Variants in MNAT1 observed in about 807,000 individuals in gnomAD.
MNAT1 encodes CDK-activating kinase assembly factor MAT1.
Under a neutral mutation model 42.0 loss-of-function variants are expected in MNAT1, and 43 were observed. That is an observed-to-expected ratio of 1.02 (90% CI 0.80 to 1.32). The LOEUF (loss-of-function observed/expected upper bound fraction) is 1.32. Among genes scored for constraint, MNAT1 ranks in the 40% most tolerant of loss-of-function variants. The pLI is 0.00. For synonymous variants in MNAT1, 118 were observed against 120.0 expected, an observed-to-expected ratio of 0.98 and a Z score of 0.11; for missense variants, 306 against 350.4, an observed-to-expected ratio of 0.87 and a Z score of 1.01.
intron 1 of MNAT1, among the ~76,000 whole-genome samples, chr14:60,776,007 C>G (rs1224542156): frequency 6.6e-6 from 1 of 152,158 alleles, no homozygotes; most frequent in African/African-American, 2.4e-5. Context: ...AGATGTTTTT[C>G]TTCAGCAAAA....
intron 1 of MNAT1, among the ~76,000 whole-genome samples, chr14:60,784,201 T>TTTTTTTTTTTTTTTC (rs1435948099): frequency 4.9e-5 from 7 of 143,962 alleles, no homozygotes; most frequent in African/African-American, 1.8e-4. Context: ...TTTTTTTTTT[T>TTTTTTTTTTTTTTTC]TTAGTAGAGG....
intron 6 of MNAT1, among the ~76,000 whole-genome samples, chr14:60,836,021 C>G (rs112288318): frequency 6.6e-6 from 1 of 152,084 alleles, no homozygotes; most frequent in African/African-American, 2.4e-5. Context: ...TCCCCTTGAT[C>G]GATTTGGTTA....
At chr14:60,780,003 A>G in intron 1 of MNAT1, 2 of 1,566,568 alleles carry the variant, frequency 1.3e-6, no homozygotes, top group Non-Finnish European at 1.8e-6. Context: ...TCCCGGGAGC[A>G]GGGAATCACC....
At chr14:60,770,904 G>A (rs957606175) in intron 1 of MNAT1, among the ~76,000 whole-genome samples, 1 of 152,066 alleles carries the variant, frequency 6.6e-6, no homozygotes, top group Non-Finnish European at 1.5e-5. Context: ...GTATTCCATT[G>A]TAGGACTGTA....
chr14:60,939,523 T>G (rs1326846288), intron 7 of MNAT1, among the ~76,000 whole-genome samples: 4 of 152,222 alleles, frequency 2.6e-5, no homozygotes, highest in South Asian at 2.1e-4. Context: ...TTGTTCAGTT[T>G]CCATGTAGTT....
intron 1 of MNAT1, among the ~76,000 whole-genome samples, chr14:60,736,793 A>C (rs1403167335): frequency 3.9e-5 from 6 of 152,190 alleles, no homozygotes; most frequent in African/African-American, 1.4e-4. Context: ...CACGGTCCTT[A>C]AGTATTAAAT....
At chr14:60,792,335 TTCAA>T (rs1257877537) in intron 1 of MNAT1, among the ~76,000 whole-genome samples, 10 of 152,194 alleles carry the variant, frequency 6.6e-5, no homozygotes, top group African/African-American at 2.4e-4. Flanking sequence ...GATATGGCAC[TTCAA>T]TCAATATTTT....
In MNAT1 at chr14:60,834,247, C is replaced by A. The variant is rs536186093; in HGVS notation, c.687+15400C>A. ...TTTCTTTGGTCTTTCTTCTCTAGTT[C>A]TTTTAATTGTGATGTTAGTGTGTCG... On this transcript the variant is annotated intron_variant, in intron 6 of 7. Coordinates refer to ENST00000261245, the MANE Select transcript of MNAT1 (RefSeq NM_002431.4). Among the ~76,000 whole-genome samples, 16 of 152,172 alleles carry A rather than the reference C, an allele frequency of 1.1e-4. No homozygotes were observed. In the East Asian group the frequency reaches 2.9e-3, roughly 28 times the overall value.
rs201138725 is a variant in MNAT1, at chr14:60,879,742, A to G, written c.716A>G (p.His239Arg). The G allele has an allele frequency of 6.8e-6, 11 of 1,613,108 alleles. No individual in the cohort carries two copies. Among genetic ancestry groups the G allele is most frequent in the Non-Finnish European group, 9.3e-6 (11 of 1,179,364 alleles). The change falls in exon 7 of 8, where the codon CAC becomes CGC. Residue 239 changes from histidine (H) to arginine (R), a missense_variant. By Grantham distance (29) the His-to-Arg change is conservative. Around this residue, in one of 3 missense-constraint regions of MNAT1, gnomAD observed 116 missense variants for 139.6 expected, o/e 0.83. Coordinates refer to ENST00000261245, the MANE Select transcript of MNAT1 (RefSeq NM_002431.4). ...CAACATATTTCACTGGCACCTATTCACAAGCTTGAAGAAGCTCTGTATGAA... is the reference window on the plus strand; with the variant it reads ...CAACATATTTCACTGGCACCTATTCGCAAGCTTGAAGAAGCTCTGTATGAA... Reference protein sequence around the residue: ...MGQHISLAPIHKLEEALYEYQ... With the variant: ...MGQHISLAPIRKLEEALYEYQ...
intron 6 of MNAT1, among the ~76,000 whole-genome samples, chr14:60,849,230 T>G (rs542129980): frequency 6.6e-6 from 1 of 152,364 alleles, no homozygotes; most frequent in Non-Finnish European, 1.5e-5. Flanking sequence ...TCATGTAATA[T>G]AAACACAATT....
chr14:60,920,609 T>G (rs1452755987), intron 7 of MNAT1, among the ~76,000 whole-genome samples: 1 of 151,892 alleles, frequency 6.6e-6, no homozygotes, highest in African/African-American at 2.4e-5. Flanking sequence ...CCCAGTTAAT[T>G]TTTTTGTATT....
chr14:60,783,233 G>C (rs1323113910), intron 1 of MNAT1, among the ~76,000 whole-genome samples: 1 of 152,158 alleles, frequency 6.6e-6, no homozygotes, highest in Non-Finnish European at 1.5e-5. Context: ...GTGGGGTTTG[G>C]CTAGACCTGT....
At chr14:60,790,418 A>G (rs2031781556) in intron 1 of MNAT1, among the ~76,000 whole-genome samples, 1 of 152,104 alleles carries the variant, frequency 6.6e-6, no homozygotes, top group Non-Finnish European at 1.5e-5. Flanking sequence ...GAGCCAGACT[A>G]AATTGTGTAT....
chr14:60,898,992 A>G (rs1457394328), intron 7 of MNAT1, among the ~76,000 whole-genome samples: 1 of 152,174 alleles, frequency 6.6e-6, no homozygotes, highest in African/African-American at 2.4e-5. Context: ...CAATTTTCCC[A>G]GCACCACTTA....
chr14:60,891,875 T>C, intron 7 of MNAT1, among the ~76,000 whole-genome samples: 1 of 152,342 alleles, frequency 6.6e-6, no homozygotes, highest in Middle Eastern at 3.4e-3. Flanking sequence ...CCAACTATTT[T>C]CTAATTTTCC....
intron 7 of MNAT1, among the ~76,000 whole-genome samples, chr14:60,899,086 C>T (rs556985717): frequency 5.3e-5 from 8 of 152,142 alleles, no homozygotes; most frequent in East Asian, 1.9e-4. Context: ...GCTTTATTTC[C>T]GGGTTCTCTA....
intron 7 of MNAT1, among the ~76,000 whole-genome samples, chr14:60,900,003 AT>A: frequency 6.6e-6 from 1 of 151,288 alleles, no homozygotes; most frequent in East Asian, 1.9e-4. Context: ...GGTGAAGTTA[AT>A]AAATGTGTGT....
chr14:60,776,684 A>G (rs745594436), intron 1 of MNAT1, among the ~76,000 whole-genome samples: 21 of 152,144 alleles, frequency 1.4e-4, no homozygotes, highest in Non-Finnish European at 2.9e-4. Context: ...TGTATTACGT[A>G]TTGAGAATAC....
At chr14:60,912,453 C>G (rs1185910819) in intron 7 of MNAT1, among the ~76,000 whole-genome samples, 1 of 152,194 alleles carries the variant, frequency 6.6e-6, no homozygotes, top group Non-Finnish European at 1.5e-5. Context: ...TTTGCAGTGG[C>G]TGGCACCGGT....
Sources: gnomAD v4.1 joint callset for allele counts (sites outside exome capture counted in the v4.1 genomes callset) on GRCh38, gnomAD v4.1.1 for gene constraint, gnomAD v4.1.1 regional missense constraint, MANE v1.5 for transcripts, NCBI Gene and HGNC (gene_info 2026-07-23, HGNC 2026-07-21) for gene names.